The following TCF20 variants were observed in gnomAD, a reference collection of about 807,000 sequenced individuals.
The protein encoded by TCF20 is SPRE-binding protein.
Under a neutral mutation model 148.6 loss-of-function variants are expected in TCF20, and 3 were observed. The ratio of observed to expected loss-of-function variants is 0.02; its 90% CI spans 0.01 to 0.05. TCF20 has a LOEUF of 0.05. Among genes scored for constraint, TCF20 ranks in the 10% least tolerant of loss-of-function variants. TCF20 has a pLI of 1.00. For missense variants in TCF20, 2,350 were observed against 2,429.3 expected, an observed-to-expected ratio of 0.97 and a Z score of 0.69; for synonymous variants, 1,049 against 909.5, an observed-to-expected ratio of 1.15 and a Z score of -2.76.
chr22:42,304,337 G>A (rs1569205155), intron 1 of TCF20, among the ~76,000 whole-genome samples: 1 of 152,246 alleles, frequency 6.6e-6, no homozygotes, highest in African/African-American at 2.4e-5. Context: ...GAGCCCAACA[G>A]GGTGGTGAGC....
upstream of TCF20, among the ~76,000 whole-genome samples, chr22:42,284,761 C>T (rs1039397265): frequency 6.6e-6 from 1 of 152,220 alleles, no homozygotes; most frequent in Non-Finnish European, 1.5e-5. Context: ...TGTACAACAG[C>T]AGCGTCCGTT....
At chr22:42,311,291 G>C (rs1927532594) in intron 1 of TCF20, among the ~76,000 whole-genome samples, 1 of 152,248 alleles carries the variant, frequency 6.6e-6, no homozygotes, top group African/African-American at 2.4e-5. Context: ...CTGGCACCAG[G>C]CCCAGGCCCA....
intron 1 of TCF20, among the ~76,000 whole-genome samples, chr22:42,229,196 G>A (rs996203733): frequency 1.3e-5 from 2 of 152,194 alleles, no homozygotes; most frequent in Non-Finnish European, 2.9e-5. Flanking sequence ...GACATCCAAC[G>A]TGCTGGTGAG....
At chr22:42,312,275 C>T (rs1013275640) in intron 1 of TCF20, among the ~76,000 whole-genome samples, 4 of 152,278 alleles carry the variant, frequency 2.6e-5, no homozygotes, top group South Asian at 2.1e-4. Context: ...CAGTAGTCAG[C>T]GGGCCACCTG....
In TCF20 at chr22:42,279,498, G is replaced by A. The variant is rs951400775; in HGVS notation, c.-37+4329C>T. On this transcript the variant is annotated intron_variant, in intron 1 of 5. Transcript: ENST00000359486. This position sits in a 1 kb window ranked among gnomAD's most constrained non-coding sequence, Gnocchi z 4.3. ...TCAATAAATAAAATAAAATAAGGAA[G>A]GACAGAGGGCAATGTGACCTTCGGC... Among the ~76,000 whole-genome samples, 2 of 152,132 alleles carry A rather than the reference G, an allele frequency of 1.3e-5. No homozygotes were observed. The highest frequency in any genetic ancestry group is 2.4e-5 in the African/African-American group (1 of 41,418).
At chr22:42,233,958 A>C (rs1923652426) in intron 1 of TCF20, among the ~76,000 whole-genome samples, 1 of 152,242 alleles carries the variant, frequency 6.6e-6, no homozygotes, top group African/African-American at 2.4e-5. Flanking sequence ...AGGTTTCTTT[A>C]GAGTTTTTAA....
At chr22:42,256,055 GTC>G (rs749663794) in intron 1 of TCF20, among the ~76,000 whole-genome samples, 1 of 151,796 alleles carries the variant, frequency 6.6e-6, no homozygotes, top group Non-Finnish European at 1.5e-5. Flanking sequence ...TCTTCCACTT[GTC>G]TCTCTCTCTC....
At chr22:42,300,149 G>GTCC (rs1407204946) in intron 1 of TCF20, among the ~76,000 whole-genome samples, 1 of 152,136 alleles carries the variant, frequency 6.6e-6, no homozygotes, top group Non-Finnish European at 1.5e-5. Flanking sequence ...CAGGGGGTTA[G>GTCC]GGGAATGCGG....
chr22:42,194,448 G>A (rs1937495389), intron 2 of TCF20, among the ~76,000 whole-genome samples: 1 of 152,138 alleles, frequency 6.6e-6, no homozygotes, highest in Non-Finnish European at 1.5e-5. Context: ...CAACAACCCC[G>A]GCCGCCTTGC....
At chr22:42,313,644 A>T (rs1449493624) in intron 1 of TCF20, among the ~76,000 whole-genome samples, 2 of 117,612 alleles carry the variant, frequency 1.7e-5, no homozygotes, top group African/African-American at 6.9e-5. Context: ...TTGTCGCCCC[A>T]GCTGGAGTGC....
chr22:42,228,084 CTA>C (rs1005118726), intron 1 of TCF20, among the ~76,000 whole-genome samples: 2 of 152,164 alleles, frequency 1.3e-5, no homozygotes, highest in Non-Finnish European at 2.9e-5. Context: ...GGGTTTTAAA[CTA>C]TAGAGTGGCA....
rs1601589728 is a variant in TCF20 at position 42,209,510 on chromosome 22, A to C, written c.5655+141T>G. On this transcript the variant is annotated intron_variant, in intron 2 of 5. Transcript: ENST00000677622. ...TCTATACAAATCTTCCAAATTACCT[A>C]TTTCATTTTCTGTCCATCACATGGG... is the stretch of plus-strand genomic sequence containing the variant. 6.1e-6 allele frequency: 6 copies of C among 989,544 alleles called. No homozygotes were observed. The East Asian group carries it at 1.5e-4, about 24-fold the overall frequency. The allele number at this position is 989,544 out of a possible 1,614,324, so 61.3% of individuals were successfully genotyped here.
intron 1 of TCF20, among the ~76,000 whole-genome samples, chr22:42,255,345 C>T (rs1387520579): frequency 3.3e-5 from 5 of 151,938 alleles, no homozygotes; most frequent in South Asian, 2.1e-4. Context: ...AAAAAGTAGC[C>T]GGGCTTGGTG....
chr22:42,236,604 A>G (rs1357105373), intron 1 of TCF20, among the ~76,000 whole-genome samples: 1 of 152,168 alleles, frequency 6.6e-6, no homozygotes, highest in Non-Finnish European at 1.5e-5. Context: ...GCATGCAATT[A>G]GCAAACACCC....
intron 1 of TCF20, among the ~76,000 whole-genome samples, chr22:42,311,618 T>C (rs941653872): frequency 1.3e-5 from 2 of 152,148 alleles, no homozygotes; most frequent in African/African-American, 2.4e-5. Context: ...ACGGGAATCA[T>C]GCAGACCCCA....
At chr22:42,258,704 T>C (rs1282039006) in intron 1 of TCF20, among the ~76,000 whole-genome samples, 2 of 152,170 alleles carry the variant, frequency 1.3e-5, no homozygotes, top group Non-Finnish European at 2.9e-5. Context: ...TTGTGTTAGG[T>C]GATTTTGCCC....
intron 1 of TCF20, among the ~76,000 whole-genome samples, chr22:42,293,573 GGGGGTATCTTCAGGCTATGGGAA>G (rs1298862272): frequency 1.3e-5 from 2 of 152,208 alleles, no homozygotes; most frequent in South Asian, 4.1e-4. Context: ...GACTCTGTAA[GGGGGTATCTTCAGGCTATGGGAA>G]GGGGAGGGTA....
At chr22:42,203,098 CTTGT>C (rs1427713798) in intron 2 of TCF20, among the ~76,000 whole-genome samples, 5 of 152,224 alleles carry the variant, frequency 3.3e-5, no homozygotes, top group East Asian at 3.9e-4. Flanking sequence ...TGTGTTGTGG[CTTGT>C]TTATCAATAT....
chr22:42,263,635 A>C (rs1309316781), intron 1 of TCF20, among the ~76,000 whole-genome samples: 25 of 152,216 alleles, frequency 1.6e-4, no homozygotes, highest in Admixed American at 1.6e-3. Flanking sequence ...CCAAGGCATA[A>C]TTAGGATGAG....
Sources: allele counts gnomAD v4.1 joint callset (sites outside exome capture counted in the v4.1 genomes callset), GRCh38; gene constraint gnomAD v4.1.1; non-coding constraint Gnocchi (gnomAD v3.1); transcripts MANE v1.5; gene names NCBI Gene and HGNC (gene_info 2026-07-23, HGNC 2026-07-21).